ARL2: variants seen among roughly 807,000 people sequenced by gnomAD.
ARL2 encodes the protein ARF like GTPase 2, also known as ADP-ribosylation factor-like protein 2.
A neutral mutation model predicts 22.0 loss-of-function variants in ARL2; 11 were observed. The observed-to-expected ratio is 0.50, with a 90% CI of 0.31 to 0.83. The LOEUF (loss-of-function observed/expected upper bound fraction) is 0.83. ARL2 is among the 40% of genes least tolerant of loss of function. ARL2 has a pLI of 0.04. For missense variants in ARL2, 216 were observed against 243.2 expected (o/e 0.89, Z 0.74); for synonymous variants, 111 against 100.8 (o/e 1.10, Z -0.61).
chr11:65,017,545 T>G (rs529601453), intron 1 of ARL2, among the ~76,000 whole-genome samples: 48 of 152,012 alleles, frequency 3.2e-4, no homozygotes, highest in African/African-American at 1.2e-3. Context: ...CATCAGCCAG[T>G]GGGAATGATC....
rs186939062 is a variant in ARL2 at position 65,021,778 on chromosome 11, G to A, written c.478G>A (p.Val160Ile). 32 of 1,613,014 alleles carry A rather than the reference G, an allele frequency of 2.0e-5. No individual in the cohort carries two copies. In the East Asian group the frequency reaches 2.9e-4, roughly 15 times the overall value. Residue 160 changes from valine to isoleucine, a missense_variant, in exon 5 of 5, where the codon GTC (valine) becomes ATC (isoleucine). By Grantham distance (29) the Val-to-Ile change is conservative. Coordinates refer to ENST00000246747, the MANE Select transcript of ARL2 (RefSeq NM_001667.4). ...CTGGTGCATCCAGGGCTGCAGCGCCGTCACCGGGGAGAACCTGCTGCCGGG... is the reference window on the plus strand; with the variant it reads ...CTGGTGCATCCAGGGCTGCAGCGCCATCACCGGGGAGAACCTGCTGCCGGG... ...HHWCIQGCSA[V>I]TGENLLPGID...
At chr11:65,014,407 T>G in intron 1 of ARL2, 135 bp downstream of exon 1, 1 of 683,188 alleles carries the variant, frequency 1.5e-6, no homozygotes, top group Non-Finnish European at 2.3e-6. Flanking sequence ...GCGGGCCCCA[T>G]CAATCGCCCC....
At chr11:65,017,626 G>A (rs1480595309) in intron 1 of ARL2, among the ~76,000 whole-genome samples, 1 of 152,170 alleles carries the variant, frequency 6.6e-6, no homozygotes, top group Non-Finnish European at 1.5e-5. Context: ...CAGGGGCTAA[G>A]GCTGGGCCTC....
chr11:65,021,212 C>A (rs1449952006), intron 4 of ARL2, among the ~76,000 whole-genome samples: 1 of 152,224 alleles, frequency 6.6e-6, no homozygotes, highest in Non-Finnish European at 1.5e-5. Flanking sequence ...ACTAAATAGA[C>A]AGGAAGCCTG....
intron 4 of ARL2, 49 bp downstream of exon 4, chr11:65,020,548 T>C: frequency 6.7e-7 from 1 of 1,490,278 alleles, no homozygotes; most frequent in Non-Finnish European, 9.1e-7. Context: ...GGGCATACAT[T>C]TATTTATTTT....
chr11:65,021,486 C>T (rs1261409974), intron 4 of ARL2: 10 of 454,504 alleles, frequency 2.2e-5, no homozygotes, highest in Non-Finnish European at 3.5e-5. Context: ...CTCAGGAGCC[C>T]ATGCTGCATT....
Position 65,021,513 on chromosome 11 carries a change from A to G in ARL2, c.421-208A>G, listed in dbSNP as rs111912216. 2,007 of 526,794 alleles carry G rather than the reference A, an allele frequency of 3.8e-3. 31 individuals are homozygous for G. Among genetic ancestry groups the G allele is most frequent in the African/African-American group, 0.034 (1,810 of 52,988 alleles). 32.6% of individuals were successfully genotyped at this position (526,794 alleles called of 1,614,324 possible). A position where few individuals can be genotyped will look rare whatever the true frequency, so the allele number is the denominator to read the frequency against. ...TGCTGCATTTACATCACTAAGGGGC[A>G]GCACTGGCATGGAACTGGACAGAGA... On this transcript the variant is annotated intron_variant, in intron 4 of 4. Transcript: ENST00000246747.
At chr11:65,019,013 A>C in intron 3 of ARL2, 1 of 1,305,814 alleles carries the variant, frequency 7.7e-7, no homozygotes, top group Non-Finnish European at 1.0e-6. Flanking sequence ...TTTAGGGAGG[A>C]TAACCCAAGG....
chr11:65,017,165 A>T (rs1166690792), intron 1 of ARL2, among the ~76,000 whole-genome samples: 4 of 151,604 alleles, frequency 2.6e-5, no homozygotes, highest in Non-Finnish European at 5.9e-5. Context: ...GAATAACTAG[A>T]TGGGGCAGAG....
At chr11:65,020,621 C>T in intron 4 of ARL2, 122 bp downstream of exon 4, 1 of 1,029,592 alleles carries the variant, frequency 9.7e-7, no homozygotes, top group Admixed American at 2.7e-5. Context: ...GTAATACCAG[C>T]ACTTTGGGAG....
In ARL2 at chr11:65,020,481, C is replaced by T. The variant is rs1397718202; in HGVS notation, c.402C>T (p.Ser134=). The T allele has an allele frequency of 1.2e-6, 2 of 1,612,010 alleles. No individual in the cohort carries two copies. The highest frequency in any genetic ancestry group is 1.7e-6 in the Non-Finnish European group (2 of 1,179,130). ...AGCAGGACCTGCCTGGAGCACTGTCCTCTAACGCCATCCGCGAGGTGAGTC... is the reference window on the plus strand; with the variant it reads ...AGCAGGACCTGCCTGGAGCACTGTCTTCTAACGCCATCCGCGAGGTGAGTC... ...ANKQDLPGAL[S]SNAIREVLEL... Residue 134 remains serine (S), a synonymous_variant, in exon 4 of 5, where the codon TCC becomes TCT. Coordinates refer to ENST00000246747, the MANE Select transcript of ARL2 (RefSeq NM_001667.4).
chr11:65,016,724 A>G (rs892215727), intron 1 of ARL2, among the ~76,000 whole-genome samples: 10 of 151,902 alleles, frequency 6.6e-5, no homozygotes, highest in African/African-American at 2.4e-4. Flanking sequence ...GTAGGCACTG[A>G]GGTCCAGTGT....
chr11:65,019,024 C>A, intron 3 of ARL2: 1 of 1,209,804 alleles, frequency 8.3e-7, no homozygotes, highest in Non-Finnish European at 1.1e-6. Flanking sequence ...TAACCCAAGG[C>A]CAGTATGAAG....
intron 1 of ARL2, among the ~76,000 whole-genome samples, chr11:65,016,272 G>T (rs553714242): frequency 4.1e-5 from 6 of 145,580 alleles, no homozygotes; most frequent in South Asian, 2.4e-4. Context: ...GCAATTCGGG[G>T]GGGGGGGAAA....
intron 1 of ARL2, among the ~76,000 whole-genome samples, chr11:65,015,990 G>C (rs1162379340): frequency 6.6e-6 from 1 of 152,100 alleles, no homozygotes; most frequent in Non-Finnish European, 1.5e-5. Flanking sequence ...TGGATCGCCT[G>C]ATGTCAGGAG....
At position 65,022,014 on chromosome 11, in the gene ARL2, G is replaced by A. The variant is rs1487944681; in HGVS notation, c.*159G>A. On this transcript the variant is annotated 3_prime_UTR_variant, in exon 5 of 5. Coordinates refer to ENST00000246747, the MANE Select transcript of ARL2 (RefSeq NM_001667.4). ...GCCCGCTGCTGCTCTGTGGCCACCC[G>A]GCTCCCATGGCGGGAGGGCTGTGCC... The A allele has an allele frequency of 4.5e-6, 5 of 1,100,902 alleles. No individual in the cohort carries two copies. The highest frequency in any genetic ancestry group is 3.1e-5 in the South Asian group (2 of 64,638). 68.2% of individuals were successfully genotyped at this position (1,100,902 alleles called of 1,614,324 possible). A position where few individuals can be genotyped will look rare whatever the true frequency, so the allele number is the denominator to read the frequency against.
Position 65,015,568 on chromosome 11 carries a change from T to C in ARL2, c.65+1296T>C, listed in dbSNP as rs1212398020. Among the ~76,000 whole-genome samples the C allele has an allele frequency of 2.6e-5, 4 of 152,234 alleles. No homozygotes were observed. The East Asian group carries it at 7.7e-4, about 29-fold the overall frequency. ...ATGGAAATTCTGTAATGCGTGTGTG[T>C]GTGTGTGGCGGGGGGGTTGCCCGCG... On this transcript the variant is annotated intron_variant, in intron 1 of 4. Coordinates refer to ENST00000246747, the MANE Select transcript of ARL2 (RefSeq NM_001667.4).
chr11:65,021,470 T>C, intron 4 of ARL2: 1 of 429,410 alleles, frequency 2.3e-6, no homozygotes. Context: ...CGGATCCTGG[T>C]GGATGCTCAG....
At chr11:65,017,480 G>GCCACCGCGC (rs1341714093) in intron 1 of ARL2, among the ~76,000 whole-genome samples, 1 of 152,158 alleles carries the variant, frequency 6.6e-6, no homozygotes, top group East Asian at 1.9e-4. Context: ...ACAGGTGTGA[G>GCCACCGCGC]CCACCGCGCC....
Sources: gnomAD v4.1 joint callset for allele counts (sites outside exome capture counted in the v4.1 genomes callset) on GRCh38, gnomAD v4.1.1 for gene constraint, MANE v1.5 for transcripts, NCBI Gene and HGNC (gene_info 2026-07-23, HGNC 2026-07-21) for gene names.